Variants in ESR1 observed in about 807,000 individuals in gnomAD.
ESR1 encodes estrogen receptor 1, also known as estrogen receptor.
Under a neutral mutation model 52.7 loss-of-function variants are expected in ESR1, and 12 were observed. The ratio of observed to expected loss-of-function variants is 0.23; its 90% CI spans 0.15 to 0.37. The LOEUF (loss-of-function observed/expected upper bound fraction) is 0.37. Among genes scored for constraint, ESR1 ranks in the 10% least tolerant of loss-of-function variants. ESR1 has a pLI of 1.00. For missense variants in ESR1, 584 were observed against 779.7 expected, an observed-to-expected ratio of 0.75 and a Z score of 2.99; for synonymous variants, 305 against 316.8, an observed-to-expected ratio of 0.96 and a Z score of 0.39.
chr6:151,990,185 A>G (rs1298263237), intron 4 of ESR1, among the ~76,000 whole-genome samples: 1 of 152,058 alleles, frequency 6.6e-6, no homozygotes, highest in African/African-American at 2.4e-5. Context: ...ATTAGCCATA[A>G]CTAGTACAGT....
At chr6:151,849,338 G>A (rs939614440) in intron 2 of ESR1, among the ~76,000 whole-genome samples, 2 of 152,058 alleles carry the variant, frequency 1.3e-5, no homozygotes, top group Non-Finnish European at 2.9e-5. Context: ...AGTAGAATAT[G>A]GCGAAGGGTC....
Position 151,842,583 on chromosome 6 carries a change from T to G in ESR1, c.453-14T>G. 6.2e-7 allele frequency: 1 copy of G among 1,610,982 alleles called. No homozygotes were observed. The highest frequency in any genetic ancestry group is 1.1e-5 in the South Asian group (1 of 90,548). On this transcript the variant is annotated splice_polypyrimidine_tract_variant and intron_variant, in intron 1 of 7. Coordinates refer to ENST00000206249, the MANE Select transcript of ESR1 (RefSeq NM_000125.4). ...TTTCTAATGTTAATGGATTTACTGT[T>G]TTTTTCCCCCCAGGCCAAATTCAGA...
chr6:152,048,002 G>T (rs1232829779), intron 5 of ESR1, among the ~76,000 whole-genome samples: 2 of 118,874 alleles, frequency 1.7e-5, no homozygotes, highest in African/African-American at 3.3e-5. Context: ...AGACCCAAAC[G>T]CATGTCTCTC....
intron 2 of ESR1, among the ~76,000 whole-genome samples, chr6:151,857,192 G>C (rs544280816): frequency 6.6e-6 from 1 of 152,246 alleles, no homozygotes; most frequent in African/African-American, 2.4e-5. Flanking sequence ...ATGGATGGTA[G>C]TGTCTGTGCT....
chr6:152,081,918 C>A (rs1210011545), intron 6 of ESR1, among the ~76,000 whole-genome samples: 7 of 152,094 alleles, frequency 4.6e-5, no homozygotes, highest in Non-Finnish European at 1.0e-4. Context: ...TCCCAAGACT[C>A]AACCAGGAAG....
rs777114733 is a variant in ESR1 at position 151,808,323 on chromosome 6, C to T, written c.411C>T (p.Ser137=). ...QVPYYLENEP[S]GYTVREAGPP... ...CCTACTACCTGGAGAACGAGCCCAGCGGCTACACGGTGCGCGAGGCCGGCC... is the reference window on the plus strand; with the variant it reads ...CCTACTACCTGGAGAACGAGCCCAGTGGCTACACGGTGCGCGAGGCCGGCC... Residue 137 remains serine, a synonymous_variant, in exon 1 of 8, where the codon AGC becomes AGT. Coordinates refer to ENST00000206249, the MANE Select transcript of ESR1 (RefSeq NM_000125.4). 1.3e-6 allele frequency: 2 copies of T among 1,515,720 alleles called. No individual in the cohort carries two copies. The highest frequency in any genetic ancestry group is 2.4e-5 in the East Asian group (1 of 41,538). The allele number at this position is 1,515,720 out of a possible 1,614,324, so 93.9% of individuals were successfully genotyped here. A position where few individuals can be genotyped will look rare whatever the true frequency, so the allele number is the denominator to read the frequency against.
chr6:151,726,181 C>G (rs1005879118), intron 2 of ESR1, among the ~76,000 whole-genome samples: 5 of 152,144 alleles, frequency 3.3e-5, no homozygotes, highest in African/African-American at 1.2e-4. Flanking sequence ...AATTTACAAT[C>G]CATGACTAGG....
At chr6:151,800,026 C>T (rs1353675903), upstream of ESR1, among the ~76,000 whole-genome samples, 1 of 152,086 alleles carries the variant, frequency 6.6e-6, no homozygotes, top group Non-Finnish European at 1.5e-5. Flanking sequence ...CTTCAAGTAG[C>T]TAGTACATAG....
chr6:152,002,750 G>A (rs374367116), intron 4 of ESR1, among the ~76,000 whole-genome samples: 67 of 151,758 alleles, frequency 4.4e-4, no homozygotes, highest in African/African-American at 1.4e-3. Flanking sequence ...CTTTCTGAGC[G>A]TGTAAGGAAA....
chr6:151,929,556 A>G lies in ESR1; in HGVS notation c.761-14617A>G, dbSNP rs188441080. Reference sequence around the variant, plus strand: ...AGGTTAATAGGTGCAGCAAACCACCATGGCACATGTATACTTATGGAACAA... The same window carrying G: ...AGGTTAATAGGTGCAGCAAACCACCGTGGCACATGTATACTTATGGAACAA... On this transcript the variant is annotated intron_variant, in intron 3 of 7. Coordinates refer to ENST00000206249, the MANE Select transcript of ESR1 (RefSeq NM_000125.4). 3.3e-3 allele frequency among the ~76,000 whole-genome samples: 505 copies of G among 152,336 alleles called. 2 individuals are homozygous for G. The highest frequency in any genetic ancestry group is 7.0e-3 in the Admixed American group (107 of 15,302).
In ESR1 at chr6:151,798,020, C is replaced by G. The variant is rs971027046; in HGVS notation, c.-70-9823C>G. ...CTTGAGCAAACTGGCATTTTGATGA[C>G]TTGAGGATTCAGTGGGTGGGACAGT... On this transcript the variant is annotated intron_variant, in intron 2 of 2. Coordinates refer to the ESR1 transcript ENST00000404742. Among the ~76,000 whole-genome samples, 4 of 152,156 alleles carry G rather than the reference C, an allele frequency of 2.6e-5. 1 individual carries two copies. The highest frequency in any genetic ancestry group is 9.7e-5 in the African/African-American group (4 of 41,450).
intron 5 of ESR1, among the ~76,000 whole-genome samples, chr6:152,047,634 C>G (rs1048903029): frequency 1.3e-5 from 2 of 152,164 alleles, no homozygotes; most frequent in African/African-American, 4.8e-5. Flanking sequence ...GTGTGAGTTC[C>G]TTGAGGGCAG....
chr6:152,002,422 T>C (rs2042030890), intron 4 of ESR1, among the ~76,000 whole-genome samples: 2 of 152,082 alleles, frequency 1.3e-5, no homozygotes, highest in East Asian at 3.9e-4. Context: ...ATCTGGAAAA[T>C]GCAGACTGAT....
intron 5 of ESR1, among the ~76,000 whole-genome samples, chr6:152,019,247 AC>A (rs1284608875): frequency 6.6e-6 from 1 of 152,202 alleles, no homozygotes; most frequent in Non-Finnish European, 1.5e-5. Context: ...TGATACCTGA[AC>A]TATATCTCAA....
At chr6:152,019,857 T>C (rs1217380957) in intron 5 of ESR1, among the ~76,000 whole-genome samples, 1 of 152,114 alleles carries the variant, frequency 6.6e-6, no homozygotes, top group Non-Finnish European at 1.5e-5. Context: ...ACTTTCAAGT[T>C]TGTGTTAGTT....
chr6:152,111,370 G>T (rs914893642), intron 6 of ESR1, among the ~76,000 whole-genome samples: 4 of 152,218 alleles, frequency 2.6e-5, no homozygotes, highest in African/African-American at 9.6e-5. Context: ...AGTGGCAGAC[G>T]CTAGGCCGTT....
intron 2 of ESR1, among the ~76,000 whole-genome samples, chr6:151,749,444 T>C (rs1442035937): frequency 6.6e-6 from 1 of 152,184 alleles, no homozygotes; most frequent in Non-Finnish European, 1.5e-5. Flanking sequence ...TCCTCTCTTC[T>C]AGTTAGTTTG....
intron 6 of ESR1, among the ~76,000 whole-genome samples, chr6:152,078,523 A>T (rs2048929500): frequency 6.6e-6 from 1 of 152,154 alleles, no homozygotes; most frequent in African/African-American, 2.4e-5. Flanking sequence ...GCTGAATAGG[A>T]ACAGCTCTGG....
intron 2 of ESR1, among the ~76,000 whole-genome samples, chr6:151,844,493 G>A (rs1419669896): frequency 6.6e-6 from 1 of 152,130 alleles, no homozygotes; most frequent in Non-Finnish European, 1.5e-5. Context: ...AAGTTTTTCT[G>A]TAAAGGGCCA....
Sources: gnomAD v4.1 joint callset for allele counts (sites outside exome capture counted in the v4.1 genomes callset) on GRCh38, gnomAD v4.1.1 for gene constraint, MANE v1.5 for transcripts, NCBI Gene and HGNC (gene_info 2026-07-23, HGNC 2026-07-21) for gene names.